PPP1R9A: variants seen among roughly 807,000 people sequenced by gnomAD.
The protein encoded by PPP1R9A is protein phosphatase 1 regulatory subunit 9A, also known as neurabin-1.
In PPP1R9A, 59 loss-of-function variants were observed where a neutral mutation model predicts 141.9. That is an observed-to-expected ratio of 0.42 (90% CI 0.34 to 0.52). The LOEUF is 0.52. Among genes scored for constraint, PPP1R9A ranks in the 20% least tolerant of loss-of-function variants. The pLI is 0.10. For missense variants in PPP1R9A, 1,444 were observed against 1,611.9 expected, an observed-to-expected ratio of 0.90 and a Z score of 1.78; for synonymous variants, 500 against 569.7, an observed-to-expected ratio of 0.88 and a Z score of 1.74.
chr7:94,950,729 T>A (rs12539414), intron 2 of PPP1R9A, among the ~76,000 whole-genome samples: 13,806 of 152,100 alleles, frequency 0.091, 689 homozygotes, highest in East Asian at 0.15. Context: ...TGTCCATGAA[T>A]TAAAAGGCAA....
At chr7:94,939,221 C>T (rs1020037055) in intron 2 of PPP1R9A, among the ~76,000 whole-genome samples, 1 of 151,874 alleles carries the variant, frequency 6.6e-6, no homozygotes, top group Non-Finnish European at 1.5e-5. Context: ...GATAATAATA[C>T]TTTTTCACAG....
intron 2 of PPP1R9A, among the ~76,000 whole-genome samples, chr7:95,055,382 G>A (rs1003592848): frequency 4.7e-5 from 7 of 149,738 alleles, no homozygotes; most frequent in Admixed American, 2.6e-4. Context: ...CCATTCTTTT[G>A]TTCTTGATAT....
At chr7:95,042,153 ATG>A (rs1809337494) in intron 2 of PPP1R9A, among the ~76,000 whole-genome samples, 1 of 152,166 alleles carries the variant, frequency 6.6e-6, no homozygotes, top group African/African-American at 2.4e-5. Flanking sequence ...CTACTTGTGC[ATG>A]AAATAGACCT....
At chr7:95,281,051 G>C (rs1418455422) in intron 16 of PPP1R9A, among the ~76,000 whole-genome samples, 2 of 152,168 alleles carry the variant, frequency 1.3e-5, no homozygotes, top group Non-Finnish European at 2.9e-5. Context: ...TGATAGGTCT[G>C]TAATTTTAAA....
intron 5 of PPP1R9A, among the ~76,000 whole-genome samples, chr7:95,178,664 A>G (rs554460947): frequency 6.6e-6 from 1 of 152,296 alleles, no homozygotes; most frequent in East Asian, 1.9e-4. Context: ...AGAAAATCCA[A>G]ATAACCTCAA....
chr7:95,108,303 T>G (rs141490377), intron 2 of PPP1R9A, among the ~76,000 whole-genome samples: 2,973 of 124,730 alleles, frequency 0.024, 103 homozygotes, highest in African/African-American at 0.04. Flanking sequence ...TTTTCGTTTC[T>G]TTTCTTTTTT....
intron 7 of PPP1R9A, among the ~76,000 whole-genome samples, chr7:95,204,278 G>A (rs890838022): frequency 3.3e-5 from 5 of 151,896 alleles, no homozygotes; most frequent in African/African-American, 4.8e-5. Flanking sequence ...AATAATTCTC[G>A]TTATGTTTAG....
chr7:95,010,840 G>T lies in PPP1R9A; in HGVS notation c.1395+99332G>T, dbSNP rs148239775. Among the ~76,000 whole-genome samples, 1,054 of 152,168 alleles carry T rather than the reference G, an allele frequency of 6.9e-3. 6 individuals are homozygous for T. Among genetic ancestry groups the T allele is most frequent in the Middle Eastern group, 0.01 (3 of 292 alleles). On this transcript the variant is annotated intron_variant, in intron 2 of 19. Coordinates refer to ENST00000433360, the MANE Select transcript of PPP1R9A (RefSeq NM_001166160.2). ...TATTTTAAAATTTAAAGATAAACAG[G>T]AGGCTGTGTTAGGGGAGCAGTATTC...
chr7:95,252,159 T>C (rs1198929343), intron 12 of PPP1R9A, 29 bp downstream of exon 12: 8 of 1,530,640 alleles, frequency 5.2e-6, no homozygotes, highest in Non-Finnish European at 6.1e-6. Flanking sequence ...CAAAAATCAT[T>C]TTTGATGACT....
intron 16 of PPP1R9A, among the ~76,000 whole-genome samples, chr7:95,276,368 AC>A (rs1441145732): frequency 1.3e-5 from 2 of 152,176 alleles, no homozygotes; most frequent in South Asian, 2.1e-4. Flanking sequence ...TGCCCACCTC[AC>A]TATAGGCAAA....
chr7:95,070,833 A>G (rs1311106744), intron 2 of PPP1R9A, among the ~76,000 whole-genome samples: 1 of 151,962 alleles, frequency 6.6e-6, no homozygotes, highest in East Asian at 1.9e-4. Flanking sequence ...CAAGAGTATT[A>G]TGAAGTCATT....
chr7:95,101,268 A>C (rs913256560), intron 2 of PPP1R9A, among the ~76,000 whole-genome samples: 64 of 152,206 alleles, frequency 4.2e-4, no homozygotes, highest in African/African-American at 1.5e-3. Flanking sequence ...GGATCTTTGC[A>C]ATCCATAGTA....
chr7:95,277,518 C>T (rs1803422203), intron 16 of PPP1R9A, among the ~76,000 whole-genome samples: 2 of 152,170 alleles, frequency 1.3e-5, no homozygotes, highest in Non-Finnish European at 2.9e-5. Flanking sequence ...CAGCCTTGAC[C>T]TCCTGGGCTC....
chr7:94,958,388 G>A (rs1797284037), intron 2 of PPP1R9A, among the ~76,000 whole-genome samples: 1 of 151,934 alleles, frequency 6.6e-6, no homozygotes, highest in Non-Finnish European at 1.5e-5. Flanking sequence ...ATAGGTTCCA[G>A]GATAGTAGAG....
intron 5 of PPP1R9A, among the ~76,000 whole-genome samples, chr7:95,193,677 ATTTAT>A (rs1429744115): frequency 6.6e-6 from 1 of 151,982 alleles, no homozygotes; most frequent in African/African-American, 2.4e-5. Context: ...TAATTGACTA[ATTTAT>A]TATATAACCT....
At chr7:95,123,634 A>T (rs1271556280) in intron 4 of PPP1R9A, among the ~76,000 whole-genome samples, 1 of 152,166 alleles carries the variant, frequency 6.6e-6, no homozygotes, top group East Asian at 1.9e-4. Context: ...GGGGGACAGA[A>T]TGAGACTCAG....
chr7:95,168,135 T>A (rs751086544), intron 5 of PPP1R9A, among the ~76,000 whole-genome samples: 3 of 152,076 alleles, frequency 2.0e-5, no homozygotes, highest in African/African-American at 4.8e-5. Flanking sequence ...TTACCTGACT[T>A]CAAAATGTAT....
chr7:95,028,002 A>G (rs1417131139), intron 2 of PPP1R9A, among the ~76,000 whole-genome samples: 1 of 152,090 alleles, frequency 6.6e-6, no homozygotes, highest in East Asian at 1.9e-4. Flanking sequence ...AGGTCCATTG[A>G]GTGACATATA....
At chr7:95,083,478 T>G (rs1447278519) in intron 2 of PPP1R9A, among the ~76,000 whole-genome samples, 1 of 151,880 alleles carries the variant, frequency 6.6e-6, no homozygotes, top group Non-Finnish European at 1.5e-5. Context: ...GCCTCTTGCT[T>G]CTGCTGTTTC....
Sources: gnomAD v4.1 joint callset for allele counts (sites outside exome capture counted in the v4.1 genomes callset) on GRCh38, gnomAD v4.1.1 for gene constraint, MANE v1.5 for transcripts, NCBI Gene and HGNC (gene_info 2026-07-23, HGNC 2026-07-21) for gene names.